The following DLGAP2 variants were observed in gnomAD, a reference collection of about 807,000 sequenced individuals.
The protein encoded by DLGAP2 is disks large-associated protein 2.
Under a neutral mutation model 100.3 loss-of-function variants are expected in DLGAP2, and 26 were observed. The observed-to-expected ratio is 0.26, with a 90% CI of 0.19 to 0.36. The LOEUF is 0.36. Ranked by LOEUF, DLGAP2 falls within the 10% of genes least tolerant of loss-of-function variation. DLGAP2 has a pLI of 1.00. For missense variants in DLGAP2, 1,858 were observed against 1,453.2 expected (o/e 1.28, Z -4.53); for synonymous variants, 886 against 630.1 (o/e 1.41, Z -6.08).
At chr8:777,375 G>T (rs1410138861) in intron 1 of DLGAP2, among the ~76,000 whole-genome samples, 2 of 151,768 alleles carry the variant, frequency 1.3e-5, no homozygotes, top group African/African-American at 4.8e-5. Flanking sequence ...TGTTATGTGT[G>T]AATTTGATCC....
At chr8:1,089,137 G>T (rs979258049) in intron 2 of DLGAP2, among the ~76,000 whole-genome samples, 8 of 146,788 alleles carry the variant, frequency 5.5e-5, no homozygotes, top group Non-Finnish European at 1.0e-4. Context: ...CCCTCATCCA[G>T]CAGGCTATGC....
At chr8:999,471 G>A (rs1288635346) in intron 2 of DLGAP2, among the ~76,000 whole-genome samples, 1 of 150,556 alleles carries the variant, frequency 6.6e-6, no homozygotes, top group East Asian at 1.9e-4. Context: ...TCTTGTGGTG[G>A]TGGTTTTTCT....
chr8:773,416 A>T (rs1821420214), intron 1 of DLGAP2, among the ~76,000 whole-genome samples: 1 of 151,586 alleles, frequency 6.6e-6, no homozygotes, highest in African/African-American at 2.4e-5. Flanking sequence ...TTACATATGT[A>T]TACATGTGCC....
chr8:1,315,573 A>C (rs35966689), intron 3 of DLGAP2, among the ~76,000 whole-genome samples: 5 of 41,020 alleles, frequency 1.2e-4, no homozygotes, highest in South Asian at 9.7e-4. Flanking sequence ...TAGAGCCTGT[A>C]CGAGTGCAGC....
At chr8:980,967 T>C (rs1363818299) in intron 2 of DLGAP2, among the ~76,000 whole-genome samples, 2 of 152,098 alleles carry the variant, frequency 1.3e-5, no homozygotes, top group East Asian at 1.9e-4. Context: ...GGGTTCACAG[T>C]TCAATGGTAT....
At chr8:1,359,180 A>G (rs7837285) in intron 3 of DLGAP2, among the ~76,000 whole-genome samples, 4,081 of 152,284 alleles carry the variant, frequency 0.027, 181 homozygotes, top group African/African-American at 0.094. Flanking sequence ...AGGAGGGCCC[A>G]GGACACCCTG....
intron 2 of DLGAP2, among the ~76,000 whole-genome samples, chr8:1,040,576 TTCC>T (rs1802315103): frequency 8.7e-6 from 1 of 115,284 alleles, no homozygotes; most frequent in Non-Finnish European, 1.8e-5. Flanking sequence ...TCGGCTCGGT[TTCC>T]GTGGTCGGCT....
chr8:907,029 A>T (rs1409031302), intron 1 of DLGAP2, among the ~76,000 whole-genome samples: 1 of 152,160 alleles, frequency 6.6e-6, no homozygotes, highest in Non-Finnish European at 1.5e-5. Flanking sequence ...CATTGCATTT[A>T]TGAGAGCCTG....
In DLGAP2 at chr8:1,582,158, ACAGT is replaced by A. The variant is rs1261640432; in HGVS notation, c.1442+16267_1442+16270del. On this transcript the variant is annotated intron_variant, in intron 6 of 14. Transcript: ENST00000637795. ...ATAAAACCCCACACATGTACACACC[ACAGT>A]CAAACTACCAGAAGTGAAGGATACA... Among the ~76,000 whole-genome samples, 8 of 148,770 alleles carry A rather than the reference ACAGT, an allele frequency of 5.4e-5. No individual in the cohort carries two copies. The East Asian group carries it at 1.4e-3, about 26-fold the overall frequency.
At chr8:1,113,081 C>T (rs942100728) in intron 2 of DLGAP2, among the ~76,000 whole-genome samples, 7 of 152,130 alleles carry the variant, frequency 4.6e-5, no homozygotes, top group Non-Finnish European at 8.8e-5. Flanking sequence ...TTTTGTACCA[C>T]TGTCATGCTG....
chr8:881,332 G>A (rs916238707), intron 1 of DLGAP2, among the ~76,000 whole-genome samples: 1 of 152,038 alleles, frequency 6.6e-6, no homozygotes, highest in African/African-American at 2.4e-5. Context: ...CGTTTGCCCC[G>A]ATAATTTGAC....
At chr8:1,145,603 T>C (rs77489578) in intron 2 of DLGAP2, among the ~76,000 whole-genome samples, 2 of 152,210 alleles carry the variant, frequency 1.3e-5, no homozygotes, top group East Asian at 3.8e-4. Flanking sequence ...TTTTGGTGAA[T>C]CTATGGATGT....
In DLGAP2 at chr8:1,473,438, C is replaced by T. The variant is rs79456270; in HGVS notation, c.107-27928C>T. Among the ~76,000 whole-genome samples the T allele has an allele frequency of 1.8e-3, 274 of 152,218 alleles. No homozygotes were observed. In the East Asian group the frequency reaches 0.028, roughly 16 times the overall value. ...GAGGCGAAGGTGTTCAGTTGGTCCA[C>T]GTTGTAAAACAACCAGAAAATGGCT... On this transcript the variant is annotated intron_variant, in intron 3 of 14. Coordinates refer to ENST00000637795, the MANE Select transcript of DLGAP2 (RefSeq NM_001346810.2).
intron 2 of DLGAP2, among the ~76,000 whole-genome samples, chr8:1,219,535 T>C (rs1798276613): frequency 6.6e-6 from 1 of 152,192 alleles, no homozygotes; most frequent in Non-Finnish European, 1.5e-5. Context: ...TTGCTGAGGA[T>C]TTTTGTGTCT....
rs144322124 is a variant in DLGAP2, at chr8:1,548,900, G to A, written c.447G>A (p.Pro149=). 123 of 1,597,610 alleles carry A rather than the reference G, an allele frequency of 7.7e-5. No homozygotes were observed. The African/African-American group carries it at 1.0e-3, about 13-fold the overall frequency. Residue 149 remains proline, a synonymous_variant, in exon 5 of 15, where the codon CCG becomes CCA. Coordinates refer to ENST00000637795, the MANE Select transcript of DLGAP2 (RefSeq NM_001346810.2). ...SSVHSECVMM[P]VVLGDHVSSS... Reference sequence around the variant, plus strand: ...TGCACTCGGAGTGCGTGATGATGCCGGTGGTGCTGGGCGACCACGTGTCCA... The same window carrying A: ...TGCACTCGGAGTGCGTGATGATGCCAGTGGTGCTGGGCGACCACGTGTCCA...
At chr8:1,236,379 C>T (rs1157488943) in intron 2 of DLGAP2, among the ~76,000 whole-genome samples, 1 of 28,092 alleles carries the variant, frequency 3.6e-5, no homozygotes, top group Non-Finnish European at 6.3e-5. Context: ...TGTCTAGTTA[C>T]CTATCACATG....
intron 2 of DLGAP2, among the ~76,000 whole-genome samples, chr8:1,010,958 C>T (rs929879700): frequency 1.6e-4 from 23 of 143,500 alleles, no homozygotes; most frequent in African/African-American, 6.4e-4. Context: ...GAACCCCGGG[C>T]GAGGGGCCTC....
intron 1 of DLGAP2, among the ~76,000 whole-genome samples, chr8:777,246 C>T (rs1253771840): frequency 1.3e-5 from 2 of 150,762 alleles, no homozygotes; most frequent in African/African-American, 4.8e-5. Flanking sequence ...ATGTGTGTCT[C>T]TGCACGTGAG....
chr8:1,298,398 G>A (rs559648194), intron 3 of DLGAP2, among the ~76,000 whole-genome samples: 2 of 152,310 alleles, frequency 1.3e-5, no homozygotes, highest in African/African-American at 4.8e-5. Context: ...CCGTCCCTCA[G>A]TGGAGACACC....
Sources: allele counts gnomAD v4.1 joint callset (sites outside exome capture counted in the v4.1 genomes callset), GRCh38; gene constraint gnomAD v4.1.1; transcripts MANE v1.5; gene names NCBI Gene and HGNC (gene_info 2026-07-23, HGNC 2026-07-21).